The following PRR16 variants were observed in gnomAD, a reference collection of about 807,000 sequenced individuals.
PRR16 encodes protein Largen.
Under a neutral mutation model 18.2 loss-of-function variants are expected in PRR16, and 6 were observed. That is an observed-to-expected ratio of 0.33 (90% CI 0.18 to 0.65). The LOEUF is 0.65. PRR16 is among the 30% of genes least tolerant of loss of function. The pLI, the probability that PRR16 is intolerant of heterozygous loss-of-function variation, is 0.74. For missense variants in PRR16, 412 were observed against 376.6 expected (o/e 1.09, Z -0.78); for synonymous variants, 151 against 147.8 (o/e 1.02, Z -0.16).
chr5:120,557,266 A>G (rs1380410178), intron 1 of PRR16, among the ~76,000 whole-genome samples: 1 of 151,918 alleles, frequency 6.6e-6, no homozygotes, highest in East Asian at 1.9e-4. Flanking sequence ...GTAAGTAGGA[A>G]GTAATTGTAA....
the PRR16 span, among the ~76,000 whole-genome samples, chr5:120,701,327 C>A: frequency 1.3e-5 from 2 of 151,958 alleles, no homozygotes; most frequent in African/African-American, 2.4e-5. Flanking sequence ...GCCTTTTGAC[C>A]TTTTAGGGTC....
chr5:120,661,467 T>C (rs912497267), intron 1 of PRR16, among the ~76,000 whole-genome samples: 2 of 152,146 alleles, frequency 1.3e-5, no homozygotes, highest in Admixed American at 1.3e-4. Context: ...CCAAATTCAG[T>C]AGTTTATTCC....
intron 1 of PRR16, among the ~76,000 whole-genome samples, chr5:120,633,402 C>A (rs920735406): frequency 6.6e-6 from 1 of 152,026 alleles, no homozygotes; most frequent in Admixed American, 6.6e-5. Flanking sequence ...ATGGCCTAAA[C>A]GCACCACTTA....
chr5:120,592,307 T>C (rs1753663073), intron 1 of PRR16, among the ~76,000 whole-genome samples: 1 of 152,178 alleles, frequency 6.6e-6, no homozygotes, highest in African/African-American at 2.4e-5. Context: ...AAGAATAAAA[T>C]GCAGAATAAC....
chr5:120,574,607 C>G (rs1450388035), intron 1 of PRR16, among the ~76,000 whole-genome samples: 1 of 136,362 alleles, frequency 7.3e-6, no homozygotes, highest in Non-Finnish European at 1.5e-5. Context: ...GTCTCAAAAA[C>G]AAAAACAACA....
chr5:120,609,549 G>A (rs917131641), intron 1 of PRR16, among the ~76,000 whole-genome samples: 3 of 152,000 alleles, frequency 2.0e-5, no homozygotes, highest in Non-Finnish European at 4.4e-5. Flanking sequence ...TAAGATTTTC[G>A]ACAATGAAAA....
rs143254936 is a variant in PRR16 at position 120,510,015 on chromosome 5, G to A, written c.159+45370G>A. Among the ~76,000 whole-genome samples, 670 of 152,208 alleles carry A rather than the reference G, an allele frequency of 4.4e-3. 8 individuals carry two copies. The highest frequency in any genetic ancestry group is 0.016 in the African/African-American group (651 of 41,544). ...ATGTTTGGACTAGTGCATAAGTGAG[G>A]CTTTTACTAGCAAAAGAGGCTTTCA... On this transcript the variant is annotated intron_variant, in intron 1 of 1. Coordinates refer to ENST00000407149, the MANE Select transcript of PRR16 (RefSeq NM_001300783.2).
Position 120,464,404 on chromosome 5 carries a change from G to A in PRR16, c.-83G>A. ...GATGTGGGGGGACCGGGGCGGCAGC[G>A]GCCGTAGCAGCGCCAGGGACGGGGG... On this transcript the variant is annotated 5_prime_UTR_variant, in exon 1 of 2. Coordinates refer to ENST00000407149, the MANE Select transcript of PRR16 (RefSeq NM_001300783.2). 1 of 1,431,172 alleles carries A rather than the reference G, an allele frequency of 7.0e-7. No individual in the cohort carries two copies. The highest frequency in any genetic ancestry group is 9.3e-7 in the Non-Finnish European group (1 of 1,079,986). 88.7% of individuals were successfully genotyped at this position (1,431,172 alleles called of 1,614,324 possible). A position where few individuals can be genotyped will look rare whatever the true frequency, so the allele number is the denominator to read the frequency against.
chr5:120,792,810 T>C, the PRR16 span, among the ~76,000 whole-genome samples: 4 of 152,178 alleles, frequency 2.6e-5, no homozygotes, highest in Non-Finnish European at 4.4e-5. Flanking sequence ...ACATTAAACA[T>C]TTAATTACAC....
At chr5:120,468,930 A>C (rs1161858010) in intron 1 of PRR16, among the ~76,000 whole-genome samples, 1 of 152,184 alleles carries the variant, frequency 6.6e-6, no homozygotes, top group African/African-American at 2.4e-5. Context: ...AATAGACATG[A>C]CTCTAACAGA....
At chr5:120,621,256 G>C (rs1264771640) in intron 1 of PRR16, among the ~76,000 whole-genome samples, 2 of 151,938 alleles carry the variant, frequency 1.3e-5, no homozygotes, top group African/African-American at 4.8e-5. Context: ...AAATATAAAG[G>C]GATTCATGCT....
the PRR16 span, among the ~76,000 whole-genome samples, chr5:120,770,279 A>G: frequency 6.6e-6 from 1 of 151,974 alleles, no homozygotes; most frequent in Non-Finnish European, 1.5e-5. Flanking sequence ...TAGACAGCCC[A>G]TAAATAAATC....
the PRR16 span, among the ~76,000 whole-genome samples, chr5:120,709,224 G>T: frequency 6.6e-6 from 1 of 151,742 alleles, no homozygotes. Context: ...AGCCAGGATG[G>T]TCTCGATCTC....
chr5:120,579,086 T>C (rs2112750539), intron 1 of PRR16, among the ~76,000 whole-genome samples: 1 of 152,316 alleles, frequency 6.6e-6, no homozygotes, highest in African/African-American at 2.4e-5. Context: ...TTGCCCACTT[T>C]TTGATGGGGT....
chr5:120,545,395 G>A (rs946546777), intron 1 of PRR16, among the ~76,000 whole-genome samples: 1 of 152,050 alleles, frequency 6.6e-6, no homozygotes, highest in Admixed American at 6.6e-5. Flanking sequence ...CATCAGTAAA[G>A]TTTCAGCTTT....
chr5:120,779,809 C>T, the PRR16 span, among the ~76,000 whole-genome samples: 7 of 152,272 alleles, frequency 4.6e-5, no homozygotes, highest in Admixed American at 2.6e-4. Context: ...CTACTGCCAC[C>T]TCCTTCAGTT....
At chr5:120,674,742 G>A (rs925619321) in intron 1 of PRR16, among the ~76,000 whole-genome samples, 1 of 151,524 alleles carries the variant, frequency 6.6e-6, no homozygotes, top group African/African-American at 2.4e-5. Context: ...TTCTGTTTCT[G>A]GAACTCCTTA....
the PRR16 span, among the ~76,000 whole-genome samples, chr5:120,721,332 A>G: frequency 1.3e-5 from 2 of 152,028 alleles, no homozygotes; most frequent in East Asian, 1.9e-4. Context: ...GTAAGGTGAT[A>G]AATTCCATAG....
chr5:120,664,685 T>A (rs1285091021), intron 1 of PRR16, among the ~76,000 whole-genome samples: 3 of 151,868 alleles, frequency 2.0e-5, no homozygotes, highest in Non-Finnish European at 4.4e-5. Flanking sequence ...TCAATTCACG[T>A]CTATGAGTGA....
Sources: gnomAD v4.1 joint callset for allele counts (sites outside exome capture counted in the v4.1 genomes callset) on GRCh38, gnomAD v4.1.1 for gene constraint, MANE v1.5 for transcripts, NCBI Gene and HGNC (gene_info 2026-07-23, HGNC 2026-07-21) for gene names.